MOV10L1: variants seen among roughly 807,000 people sequenced by gnomAD.
MOV10L1 encodes the protein RNA helicase Mov10l1.
A neutral mutation model predicts 143.8 loss-of-function variants in MOV10L1; 110 were observed. The observed-to-expected ratio is 0.76, with a 90% CI of 0.66 to 0.90. The LOEUF (loss-of-function observed/expected upper bound fraction) is 0.90, where lower values mean the gene tolerates loss of function less well. Among genes scored for constraint, MOV10L1 ranks in the 40% least tolerant of loss-of-function variants. The pLI is 0.00. For missense variants in MOV10L1, 1,406 were observed against 1,526.8 expected (o/e 0.92, Z 1.32); for synonymous variants, 593 against 581.1 (o/e 1.02, Z -0.29).
At chr22:50,095,836 A>G (rs2062574991) in intron 2 of MOV10L1, 1 of 151,808 alleles carries the variant, frequency 6.6e-6, no homozygotes, top group Non-Finnish European at 1.5e-5. Flanking sequence ...ATCTCTACTC[A>G]CAATCTTGCT....
In MOV10L1 at chr22:50,114,525, A is replaced by C; in HGVS notation, c.1029A>C (p.Ser343=). ...SFVSVPEKEN[S]SDENINSLNS... is the part of the protein sequence containing the mutation. ...TTTCTGTTCCTGAGAAGGAGAATTCATCAGATGAAAATATTAATTCATTAA... is the reference window on the plus strand; with the variant it reads ...TTTCTGTTCCTGAGAAGGAGAATTCCTCAGATGAAAATATTAATTCATTAA... The change falls in exon 7 of 27, where the codon TCA becomes TCC. Residue 343 remains serine, a synonymous_variant. Coordinates refer to ENST00000262794, the MANE Select transcript of MOV10L1 (RefSeq NM_018995.3). 1.2e-6 allele frequency: 2 copies of C among 1,614,246 alleles called. No individual in the cohort carries two copies. Among genetic ancestry groups the C allele is most frequent in the Non-Finnish European group, 1.7e-6 (2 of 1,180,046 alleles).
chr22:50,091,894 A>C, intron 1 of MOV10L1, 107 bp from the exon 2 acceptor site: 1 of 1,103,392 alleles, frequency 9.1e-7, no homozygotes, highest in Non-Finnish European at 1.3e-6. Context: ...AGTGCCTCCG[A>C]ACTGCAAAAA....
At chr22:50,099,735 C>T in intron 3 of MOV10L1, 133 bp downstream of exon 3, 1 of 1,100,202 alleles carries the variant, frequency 9.1e-7, no homozygotes, top group Admixed American at 2.7e-5. Context: ...ATCGCTTGAG[C>T]CCAGGAGTTG....
chr22:50,150,282 C>T (rs575946208), intron 20 of MOV10L1, among the ~76,000 whole-genome samples: 5 of 152,072 alleles, frequency 3.3e-5, no homozygotes, highest in African/African-American at 1.2e-4. Flanking sequence ...CACTGTGGGG[C>T]GGAGCATGAA....
intron 5 of MOV10L1, among the ~76,000 whole-genome samples, chr22:50,110,065 C>T (rs1190079188): frequency 2.0e-5 from 3 of 152,102 alleles, no homozygotes; most frequent in African/African-American, 7.2e-5. Context: ...AAGAGAATCA[C>T]TTGAACCCAA....
chr22:50,128,540 C>CT (rs36022529), intron 13 of MOV10L1, 33 bp downstream of exon 13: 23,481 of 479,524 alleles, frequency 0.049, 667 homozygotes, highest in African/African-American at 0.16. Context: ...TTTCAAATGT[C>CT]TTTTTTTTTT....
chr22:50,123,300 C>A (rs141684167), intron 10 of MOV10L1, among the ~76,000 whole-genome samples: 146 of 150,698 alleles, frequency 9.7e-4, no homozygotes, highest in African/African-American at 3.4e-3. Flanking sequence ...AATTGATTTT[C>A]AAATGTTGAA....
rs373476728 is a variant in MOV10L1, at chr22:50,148,855, G to A, written c.2628-760G>A. On this transcript the variant is annotated intron_variant, in intron 19 of 26. Coordinates refer to ENST00000262794, the MANE Select transcript of MOV10L1 (RefSeq NM_018995.3). The stretch of plus-strand genomic sequence containing the variant: ...ATTTTTTTGTATTTTGAGTAGAGAC[G>A]GGGTTTCACCGTGTTAGCCAGGATG... Among the ~76,000 whole-genome samples the A allele has an allele frequency of 1.3e-4, 20 of 152,170 alleles. No individual in the cohort carries two copies. The East Asian group carries it at 3.1e-3, about 24-fold the overall frequency.
chr22:50,094,302 C>T (rs545905907), intron 2 of MOV10L1: 1 of 152,004 alleles, frequency 6.6e-6, no homozygotes, highest in African/African-American at 2.4e-5. Context: ...AAATTTCTTA[C>T]TAAATTTATT....
intron 19 of MOV10L1, among the ~76,000 whole-genome samples, chr22:50,146,769 G>A (rs549032490): frequency 1.1e-3 from 171 of 152,298 alleles, no homozygotes; most frequent in Admixed American, 2.1e-3. Flanking sequence ...AGCCAGCCAC[G>A]CCTATCACAG....
Position 50,119,362 on chromosome 22 carries a change from G to A in MOV10L1, c.1455-1140G>A, listed in dbSNP as rs5771174. Among the ~76,000 whole-genome samples, 24 of 152,160 alleles carry A rather than the reference G, an allele frequency of 1.6e-4. No homozygotes were observed. The East Asian group carries it at 3.5e-3, about 22-fold the overall frequency. On this transcript the variant is annotated intron_variant, in intron 9 of 26. Coordinates refer to ENST00000262794, the MANE Select transcript of MOV10L1 (RefSeq NM_018995.3). ...TGCCTGCTTCCAGAGCTGTCCATCC[G>A]TGGCCGCCTGTCACAGGTCCTGCAC...
At chr22:50,149,387 A>G (rs777727319) in intron 19 of MOV10L1, 63 of 544,476 alleles carry the variant, frequency 1.2e-4, no homozygotes, top group Non-Finnish European at 2.0e-4. Context: ...CTCTAGAAAT[A>G]CAGACGCTGC....
chr22:50,108,736 C>T lies in MOV10L1; in HGVS notation c.635C>T (p.Pro212Leu). The T allele has an allele frequency of 1.2e-6, 2 of 1,614,166 alleles. No individual in the cohort carries two copies. The highest frequency in any genetic ancestry group is 1.7e-6 in the Non-Finnish European group (2 of 1,180,044). ...TTTACCTTGGACTCCTTGAAACTGCCAGATGGGTACACACCCCGGAGAGGT... is the reference window on the plus strand; with the variant it reads ...TTTACCTTGGACTCCTTGAAACTGCTAGATGGGTACACACCCCGGAGAGGT... ...IFFTLDSLKL[P>L]DGYTPRRGDV... Residue 212 changes from proline (P) to leucine (L), a missense_variant, in exon 5 of 27, where the codon CCA (proline) becomes CTA (leucine). Pro to Leu is a moderately conservative substitution (Grantham distance 98). Transcript: ENST00000262794.
Position 50,092,078 on chromosome 22 carries a change from T to G in MOV10L1, c.175T>G (p.Tyr59Asp), listed in dbSNP as rs1409533936. The G allele has an allele frequency of 1.9e-6, 3 of 1,614,080 alleles. No individual in the cohort carries two copies. In the African/African-American group the frequency reaches 4.0e-5, roughly 22 times the overall value. ...SDYGMIDDMIYFSSDAVTSRV... is the reference protein window; with the variant it reads ...SDYGMIDDMIDFSSDAVTSRV... ...TTATGGCATGATTGATGATATGATC[T>G]ACTTCTCCAGTGATGCTGTGACTAG... Residue 59 changes from tyrosine (Y) to aspartate (D), a missense_variant, in exon 2 of 27, where the codon TAC (tyrosine) becomes GAC (aspartate). Physicochemically the swap from Tyr to Asp is radical, Grantham distance 160. Around this residue, in one of 3 missense-constraint regions of MOV10L1, gnomAD observed 166 missense variants for 153.9 expected, o/e 1.08. Transcript: ENST00000262794.
chr22:50,140,542 ATGATAGC>A (rs1001051762), intron 15 of MOV10L1, among the ~76,000 whole-genome samples: 4 of 152,110 alleles, frequency 2.6e-5, no homozygotes, highest in African/African-American at 9.7e-5. Flanking sequence ...ACTAACACTA[ATGATAGC>A]TGATGAGCTG....
At chr22:50,122,547 T>C (rs1019413327) in intron 10 of MOV10L1, among the ~76,000 whole-genome samples, 1 of 152,198 alleles carries the variant, frequency 6.6e-6, no homozygotes, top group Admixed American at 6.5e-5. Flanking sequence ...TTTCCTTTTC[T>C]TGCCTAATTG....
At chr22:50,157,530 G>A (rs1034712229) in intron 22 of MOV10L1, among the ~76,000 whole-genome samples, 3 of 152,124 alleles carry the variant, frequency 2.0e-5, no homozygotes, top group African/African-American at 2.4e-5. Flanking sequence ...GTGAGGGTCC[G>A]TCTTCATCCT....
chr22:50,153,995 C>T (rs1473942879), intron 22 of MOV10L1, among the ~76,000 whole-genome samples: 3 of 152,340 alleles, frequency 2.0e-5, no homozygotes, highest in African/African-American at 7.2e-5. Context: ...GCATTCCATG[C>T]CCTACCCAGC....
chr22:50,097,452 C>G (rs566945357), intron 2 of MOV10L1, among the ~76,000 whole-genome samples: 101 of 152,264 alleles, frequency 6.6e-4, no homozygotes, highest in African/African-American at 2.3e-3. Flanking sequence ...TGGTGTAAAA[C>G]GAGAGTCTAA....
Sources: allele counts gnomAD v4.1 joint callset (sites outside exome capture counted in the v4.1 genomes callset), GRCh38; gene constraint gnomAD v4.1.1; regional missense constraint gnomAD v4.1.1; transcripts MANE v1.5; gene names NCBI Gene and HGNC (gene_info 2026-07-23, HGNC 2026-07-21).